Variants in UVSSA observed in about 807,000 individuals in gnomAD.
UVSSA encodes UV stimulated scaffold protein A.
Under a neutral mutation model 73.9 loss-of-function variants are expected in UVSSA, and 72 were observed. That is an observed-to-expected ratio of 0.97 (90% CI 0.81 to 1.19). The LOEUF (loss-of-function observed/expected upper bound fraction) is 1.19, where lower values mean the gene tolerates loss of function less well. UVSSA is among the 50% of genes most tolerant of loss of function. The probability of loss-of-function intolerance (pLI) is 0.00; values close to 1 mark genes in which losing one functional copy is unlikely to be tolerated. For synonymous variants in UVSSA, 454 were observed against 391.3 expected (o/e 1.16, Z -1.89); for missense variants, 1,150 against 965.0 (o/e 1.19, Z -2.54).
At chr4:1,378,574 C>T (rs1001936753) in intron 10 of UVSSA, among the ~76,000 whole-genome samples, 9 of 152,214 alleles carry the variant, frequency 5.9e-5, no homozygotes, top group Admixed American at 1.3e-4. Flanking sequence ...CAGTGGTCCT[C>T]GGCCGAGGGG....
intron 10 of UVSSA, among the ~76,000 whole-genome samples, chr4:1,379,778 G>A (rs4974616): frequency 3.4e-5 from 1 of 29,310 alleles, no homozygotes; most frequent in Non-Finnish European, 1.0e-4. Context: ...GAATTCAGAC[G>A]CAGGCGGTCG....
At position 1,382,334 on chromosome 4, in the gene UVSSA, G is replaced by C. The variant is rs528884661; in HGVS notation, c.1861+1346G>C. Reference sequence around the variant, plus strand: ...GGTATCAGGCCGCGGGCTGCGGCCAGCGCTGGCCAGTCAGATGTGAAATAG... The same window carrying C: ...GGTATCAGGCCGCGGGCTGCGGCCACCGCTGGCCAGTCAGATGTGAAATAG... On this transcript the variant is annotated intron_variant, in intron 12 of 13. Transcript: ENST00000389851. 2.6e-3 allele frequency among the ~76,000 whole-genome samples: 395 copies of C among 152,362 alleles called. 1 individual carries two copies. Among genetic ancestry groups the C allele is most frequent in the African/African-American group, 9.1e-3 (377 of 41,596 alleles).
chr4:1,349,848 CA>C lies in UVSSA; in HGVS notation c.428del (p.Lys143ArgfsTer51), dbSNP rs1197145306. The C allele has an allele frequency of 2.6e-6, 4 of 1,543,108 alleles. No individual in the cohort carries two copies. The highest frequency in any genetic ancestry group is 3.5e-6 in the Non-Finnish European group (4 of 1,145,522). ...ALGYHFLRHN[K>X]KVDFQDTNAR... is the part of the protein sequence containing the mutation. Reference sequence around the variant, plus strand: ...TGGGCTACCACTTCTTAAGACACAACAAAAAGGTAGGTGGGCCTGGCCCATT... The same window carrying C: ...TGGGCTACCACTTCTTAAGACACAACAAAAGGTAGGTGGGCCTGGCCCATT... On this transcript the variant is annotated frameshift_variant, in exon 3 of 14. Coordinates refer to ENST00000389851, the MANE Select transcript of UVSSA (RefSeq NM_020894.4). LOFTEE classifies it high-confidence loss of function.
intron 2 of UVSSA, among the ~76,000 whole-genome samples, chr4:1,348,484 C>T (rs937877569): frequency 1.3e-5 from 2 of 152,240 alleles, no homozygotes; most frequent in African/African-American, 4.8e-5. Flanking sequence ...CAGAGAGAAA[C>T]GTGCATCTTT....
intron 12 of UVSSA, among the ~76,000 whole-genome samples, chr4:1,383,401 C>G (rs1719728576): frequency 3.3e-5 from 5 of 152,134 alleles, no homozygotes; most frequent in Admixed American, 6.5e-5. Context: ...TGCCACCCCC[C>G]AACCGCTGGC....
chr4:1,348,738 T>C (rs1394912768), intron 2 of UVSSA, among the ~76,000 whole-genome samples: 2 of 152,186 alleles, frequency 1.3e-5, no homozygotes, highest in Non-Finnish European at 2.9e-5. Flanking sequence ...TGGCAGTTTA[T>C]AGATTGTTTA....
chr4:1,378,670 C>A (rs1719066867), intron 10 of UVSSA, among the ~76,000 whole-genome samples: 1 of 152,232 alleles, frequency 6.6e-6, no homozygotes, highest in Non-Finnish European at 1.5e-5. Flanking sequence ...CCTGAGTGTT[C>A]TCACTGCGAT....
intron 8 of UVSSA, among the ~76,000 whole-genome samples, chr4:1,374,254 G>T (rs1195143181): frequency 6.6e-6 from 1 of 152,218 alleles, no homozygotes; most frequent in Non-Finnish European, 1.5e-5. Flanking sequence ...GCAGGTTTGG[G>T]GAGGTGGGTG....
At chr4:1,375,044 C>T (rs1040780412) in intron 8 of UVSSA, 2 of 336,868 alleles carry the variant, frequency 5.9e-6, no homozygotes, top group South Asian at 3.9e-5. Flanking sequence ...CGCTGCTGCC[C>T]AGCTTCTTTC....
chr4:1,363,491 T>A (rs2109176963), intron 7 of UVSSA, among the ~76,000 whole-genome samples: 1 of 152,336 alleles, frequency 6.6e-6, no homozygotes, highest in Non-Finnish European at 1.5e-5. Context: ...CGCCCATATT[T>A]AAAATCTGGC....
At chr4:1,353,848 G>A (rs940146056) in intron 5 of UVSSA, among the ~76,000 whole-genome samples, 9 of 152,164 alleles carry the variant, frequency 5.9e-5, no homozygotes, top group African/African-American at 2.2e-4. Context: ...AGGTAGCACC[G>A]GCCCTTGCTG....
intron 11 of UVSSA, 119 bp downstream of exon 11, chr4:1,380,349 C>CCCCTT: frequency 1.6e-6 from 2 of 1,289,982 alleles, no homozygotes; most frequent in Non-Finnish European, 2.1e-6. Flanking sequence ...CACTGAGAAG[C>CCCCTT]CCATGGAAGG....
upstream of UVSSA, among the ~76,000 whole-genome samples, chr4:1,344,553 A>T (rs537767205): frequency 6.6e-6 from 1 of 152,350 alleles, no homozygotes; most frequent in South Asian, 2.1e-4. Context: ...TCTGTCTCAA[A>T]CAAAAACAAA....
chr4:1,369,220 C>T (rs932118012), intron 8 of UVSSA, among the ~76,000 whole-genome samples: 6 of 152,226 alleles, frequency 3.9e-5, no homozygotes, highest in African/African-American at 9.6e-5. Context: ...CGACCGGGTG[C>T]GAGCATGCAG....
At chr4:1,395,755 C>A (rs1560502632) in exon 14 of UVSSA, 1 of 1,614,242 alleles carries the variant, frequency 6.2e-7, no homozygotes. Context: ...CCGGCCGAGT[C>A]AGACGCTGTT....
intron 2 of UVSSA, among the ~76,000 whole-genome samples, chr4:1,349,116 C>G (rs1016680927): frequency 1.7e-5 from 1 of 58,622 alleles, no homozygotes; most frequent in Non-Finnish European, 4.3e-5. Flanking sequence ...CGCTAGGTAA[C>G]GTGTGTTTAA....
At chr4:1,354,905 G>GC (rs951954797) in intron 6 of UVSSA, 58 bp downstream of exon 6, 10 of 1,480,148 alleles carry the variant, frequency 6.8e-6, no homozygotes, top group South Asian at 1.2e-5. Context: ...GCCATGCATG[G>GC]GGGGGGTCCC....
Position 1,385,971 on chromosome 4 carries a change from C to A in UVSSA, c.*10C>A, listed in dbSNP as rs759701349. 3 of 1,613,384 alleles carry A rather than the reference C, an allele frequency of 1.9e-6. No homozygotes were observed. The highest frequency in any genetic ancestry group is 2.5e-6 in the Non-Finnish European group (3 of 1,179,552). On this transcript the variant is annotated 3_prime_UTR_variant, in exon 14 of 14. Transcript: ENST00000389851. ...CTACGCACTGAACTAGAGAGCGGGG[C>A]CCAGTGCACTGGCCATCAGCACTTT...
Position 1,385,923 on chromosome 4 carries a change from G to A in UVSSA, c.2092G>A (p.Glu698Lys), listed in dbSNP as rs140574139. 2.0e-5 allele frequency: 33 copies of A among 1,613,948 alleles called. No homozygotes were observed. Among genetic ancestry groups the A allele is most frequent in the Admixed American group, 2.0e-4 (12 of 60,014 alleles). ...AMNRMDQKKH[E>K]KFSNQFNYAL... is the part of the protein sequence containing the mutation. ...GAACCGGATGGACCAGAAGAAGCACGAGAAGTTTTCAAACCAGTTTAACTA... is the reference window on the plus strand; with the variant it reads ...GAACCGGATGGACCAGAAGAAGCACAAGAAGTTTTCAAACCAGTTTAACTA... Residue 698 changes from glutamate (E) to lysine (K), a missense_variant, in exon 14 of 14, where the codon GAG becomes AAG. By Grantham distance (56) the Glu-to-Lys change is moderately conservative. Coordinates refer to ENST00000389851, the MANE Select transcript of UVSSA (RefSeq NM_020894.4).
Sources: gnomAD v4.1 joint callset for allele counts (sites outside exome capture counted in the v4.1 genomes callset) on GRCh38, gnomAD v4.1.1 for gene constraint, MANE v1.5 for transcripts, NCBI Gene and HGNC (gene_info 2026-07-23, HGNC 2026-07-21) for gene names.